Variants in ADGRB3 observed in about 807,000 individuals in gnomAD.
The protein encoded by ADGRB3 is adhesion G protein-coupled receptor B3, also known as brain-specific angiogenesis inhibitor 3.
A neutral mutation model predicts 193.4 loss-of-function variants in ADGRB3; 37 were observed. The ratio of observed to expected loss-of-function variants is 0.19; its 90% CI spans 0.15 to 0.25. ADGRB3 has a LOEUF of 0.25. Among genes scored for constraint, ADGRB3 ranks in the 10% least tolerant of loss-of-function variants. ADGRB3 has a pLI of 1.00. For synonymous variants in ADGRB3, 690 were observed against 644.2 expected (o/e 1.07, Z -1.08); for missense variants, 1,637 against 1,852.9 (o/e 0.88, Z 2.14).
chr6:68,755,103 G>T (rs1208231831), intron 3 of ADGRB3, among the ~76,000 whole-genome samples: 2 of 152,190 alleles, frequency 1.3e-5, no homozygotes, highest in African/African-American at 4.8e-5. Flanking sequence ...GGAAGCAGAA[G>T]CCAGTTCAAA....
In ADGRB3 at chr6:69,210,030, A is replaced by G. The variant is rs1765623222; in HGVS notation, c.2481-23260A>G. ...TCCATCCTTAATACTCTGCTCCTCT[A>G]GAACCACTCCTGCTACCAAAATCTG... On this transcript the variant is annotated intron_variant, in intron 17 of 31. Transcript: ENST00000370598. Among the ~76,000 whole-genome samples the G allele has an allele frequency of 4.0e-5, 6 of 150,890 alleles. No homozygotes were observed. The South Asian group carries it at 1.0e-3, about 26-fold the overall frequency.
intron 15 of ADGRB3, among the ~76,000 whole-genome samples, chr6:69,051,294 T>G (rs1380558788): frequency 6.6e-6 from 1 of 152,146 alleles, no homozygotes; most frequent in Non-Finnish European, 1.5e-5. Context: ...AGTCACTGAC[T>G]TTTTTTAATA....
At chr6:68,656,172 T>A (rs1178909756) in intron 3 of ADGRB3, among the ~76,000 whole-genome samples, 1 of 151,644 alleles carries the variant, frequency 6.6e-6, no homozygotes, top group Non-Finnish European at 1.5e-5. Flanking sequence ...CATATTCTAT[T>A]TTTTAAAAGA....
rs143275064 is a variant in ADGRB3 at position 68,846,115 on chromosome 6, G to A, written c.758-84444G>A. 4.4e-3 allele frequency among the ~76,000 whole-genome samples: 670 copies of A among 152,280 alleles called. 5 individuals carry two copies. The highest frequency in any genetic ancestry group is 0.014 in the African/African-American group (582 of 41,550). ...CTATGTTTTAGCAAATAAACTGGCA[G>A]CATTTTGCCCCTGCCCTAGAGATCT... is the stretch of plus-strand genomic sequence containing the variant. On this transcript the variant is annotated intron_variant, in intron 3 of 31. Transcript: ENST00000370598.
In ADGRB3 at chr6:69,048,241, A is replaced by G. The variant is rs767686440; in HGVS notation, c.2164A>G (p.Met722Val). ...TGTTCTAACAGACATCAACTTTCCA[A>G]TGAAAGGACGGAAGGGAATGGTTGA... ...ASVLTDINFP[M>V]KGRKGMVDWA... The change falls in exon 14 of 32, where the codon ATG becomes GTG. Residue 722 changes from methionine to valine, a missense_variant. This residue lies in a region of ADGRB3 where 641 missense variants were observed against 673.9 expected (regional missense o/e 0.95). Transcript: ENST00000370598. 1.2e-5 allele frequency: 19 copies of G among 1,613,578 alleles called. No homozygotes were observed. The highest frequency in any genetic ancestry group is 4.5e-5 in the East Asian group (2 of 44,804).
Position 69,324,907 on chromosome 6 carries a change from T to C in ADGRB3, c.2850T>C (p.Phe950=). 1 of 1,613,992 alleles carries C rather than the reference T, an allele frequency of 6.2e-7. No individual in the cohort carries two copies. The highest frequency in any genetic ancestry group is 8.5e-7 in the Non-Finnish European group (1 of 1,179,908). ...CAACCACCACTGCATTTTTGCACTT[T>C]TTCTTCCTGGCTTCATTCTGTTGGG... ...ICTTTTAFLH[F]FFLASFCWVL... The change falls in exon 21 of 32, where the codon TTT becomes TTC. Residue 950 remains phenylalanine (F), a synonymous_variant. Transcript: ENST00000370598.
chr6:69,327,698 A>G, intron 21 of ADGRB3, 122 bp from the exon 22 acceptor site: 1 of 624,122 alleles, frequency 1.6e-6, no homozygotes, highest in South Asian at 3.8e-5. Context: ...TACCTTGTGA[A>G]GTGACTCATC....
intron 3 of ADGRB3, among the ~76,000 whole-genome samples, chr6:68,768,701 TA>T (rs1766559596): frequency 1.3e-5 from 2 of 152,052 alleles, no homozygotes; most frequent in African/African-American, 2.4e-5. Flanking sequence ...GGGATCTAAT[TA>T]AACTAAAGAG....
intron 17 of ADGRB3, among the ~76,000 whole-genome samples, chr6:69,143,951 A>G (rs1235589395): frequency 6.6e-6 from 1 of 152,152 alleles, no homozygotes; most frequent in African/African-American, 2.4e-5. Context: ...GATTGCACTG[A>G]ATTTGTAGAT....
At position 69,362,972 on chromosome 6, in the gene ADGRB3, T is replaced by C. The variant is rs139980644; in HGVS notation, c.4239+1460T>C. 5.2e-3 allele frequency among the ~76,000 whole-genome samples: 788 copies of C among 152,094 alleles called. 6 individuals carry two copies. Among genetic ancestry groups the C allele is most frequent in the Non-Finnish European group, 8.2e-3 (557 of 67,922 alleles). On this transcript the variant is annotated intron_variant, in intron 29 of 31. Transcript: ENST00000370598. ...ATAATGACTATATGGAAGTTTTCTGTATAGTGTGGCTCTTTTAAATGTGTT... is the reference window on the plus strand; with the variant it reads ...ATAATGACTATATGGAAGTTTTCTGCATAGTGTGGCTCTTTTAAATGTGTT...
intron 8 of ADGRB3, among the ~76,000 whole-genome samples, chr6:68,958,525 A>G (rs969784732): frequency 1.3e-5 from 2 of 152,172 alleles, no homozygotes; most frequent in Admixed American, 1.3e-4. Flanking sequence ...GAGCCAAGAT[A>G]GTACTGCTGC....
chr6:69,145,491 T>C (rs796571635), intron 17 of ADGRB3, among the ~76,000 whole-genome samples: 64 of 152,298 alleles, frequency 4.2e-4, no homozygotes, highest in African/African-American at 1.5e-3. Flanking sequence ...AGCTCTTCTC[T>C]CTTCTCTCCT....
At chr6:68,841,467 A>C (rs1768157765) in intron 3 of ADGRB3, among the ~76,000 whole-genome samples, 1 of 152,200 alleles carries the variant, frequency 6.6e-6, no homozygotes, top group Admixed American at 6.5e-5. Context: ...TTTTCAAACT[A>C]TACAAGCTCA....
rs189824224 is a variant in ADGRB3, at chr6:69,121,506, G to T, written c.2480+45468G>T. 7.0e-3 allele frequency among the ~76,000 whole-genome samples: 1,063 copies of T among 152,232 alleles called. 15 individuals carry two copies. Among genetic ancestry groups the T allele is most frequent in the Non-Finnish European group, 7.7e-3 (522 of 68,012 alleles). The stretch of plus-strand genomic sequence containing the variant: ...GCCATCGTCATCATGGCCCGTTCTC[G>T]ATGGTCGCTGTCTCTTCGGAGCTGT... On this transcript the variant is annotated intron_variant, in intron 17 of 31. Transcript: ENST00000370598.
chr6:68,975,194 C>A, intron 9 of ADGRB3, 40 bp from the exon 10 acceptor site: 2 of 1,535,590 alleles, frequency 1.3e-6, no homozygotes, highest in Non-Finnish European at 1.8e-6. Flanking sequence ...CTTCAAACAT[C>A]CCTATTATAA....
At position 68,819,890 on chromosome 6, in the gene ADGRB3, TC is replaced by T. The variant is rs1195786523; in HGVS notation, c.758-110665del. On this transcript the variant is annotated intron_variant, in intron 3 of 31. Transcript: ENST00000370598. ...ATTTTTTTAAAAGTTACATCTTATTTCCCCGAATATCATCAAATACTTTTAT... is the reference window on the plus strand; with the variant it reads ...ATTTTTTTAAAAGTTACATCTTATTTCCCGAATATCATCAAATACTTTTAT... Among the ~76,000 whole-genome samples the T allele has an allele frequency of 2.6e-5, 4 of 152,072 alleles. No homozygotes were observed. The East Asian group carries it at 7.7e-4, about 29-fold the overall frequency.
chr6:68,926,500 A>G (rs1251723061), intron 3 of ADGRB3, among the ~76,000 whole-genome samples: 1 of 152,158 alleles, frequency 6.6e-6, no homozygotes, highest in African/African-American at 2.4e-5. Context: ...TACGAATCCC[A>G]TAGCAACAAG....
At chr6:68,675,019 T>G (rs1370390783) in intron 3 of ADGRB3, among the ~76,000 whole-genome samples, 1 of 152,200 alleles carries the variant, frequency 6.6e-6, no homozygotes, top group East Asian at 1.9e-4. Flanking sequence ...TTACTGTGTC[T>G]AACTGATGTG....
chr6:69,350,032 C>T (rs1769189049), intron 26 of ADGRB3, among the ~76,000 whole-genome samples: 1 of 152,194 alleles, frequency 6.6e-6, no homozygotes, highest in Non-Finnish European at 1.5e-5. Flanking sequence ...AGTCCAGAAG[C>T]TCTCAGCCTG....
Sources: gnomAD v4.1 joint callset for allele counts (sites outside exome capture counted in the v4.1 genomes callset) on GRCh38, gnomAD v4.1.1 for gene constraint, gnomAD v4.1.1 regional missense constraint, MANE v1.5 for transcripts, NCBI Gene and HGNC (gene_info 2026-07-23, HGNC 2026-07-21) for gene names.